Variants in KCNG2 observed in about 807,000 individuals in gnomAD.
The protein encoded by KCNG2 is voltage-gated potassium channel regulatory subunit KCNG2.
In KCNG2, 7 loss-of-function variants were observed where a neutral mutation model predicts 12.3. The ratio of observed to expected loss-of-function variants is 0.57; its 90% confidence interval spans 0.32 to 1.07. KCNG2 has a LOEUF of 1.07. Ranked by LOEUF, KCNG2 falls within the 50% of genes least tolerant of loss-of-function variation. The pLI is 0.04. For missense variants in KCNG2, 703 were observed against 726.0 expected, an observed-to-expected ratio of 0.97 and a Z score of 0.36; for synonymous variants, 414 against 351.4, an observed-to-expected ratio of 1.18 and a Z score of -1.99.
chr18:79,842,152 C>T (rs1396855480), intron 1 of KCNG2, among the ~76,000 whole-genome samples: 3 of 152,184 alleles, frequency 2.0e-5, no homozygotes, highest in South Asian at 2.1e-4. Flanking sequence ...AGGGTGGCCT[C>T]TGCAGCCCAG....
intron 1 of KCNG2, among the ~76,000 whole-genome samples, chr18:79,811,360 G>A (rs1235569017): frequency 1.3e-5 from 2 of 152,144 alleles, no homozygotes; most frequent in Non-Finnish European, 2.9e-5. Flanking sequence ...GTGTGGTATT[G>A]GCATAAGGAG....
intron 3 of KCNG2, among the ~76,000 whole-genome samples, chr18:79,896,016 A>G (rs1418946405): frequency 1.3e-5 from 2 of 152,162 alleles, no homozygotes; most frequent in African/African-American, 4.8e-5. Flanking sequence ...CCCAGGTTGG[A>G]GTGCAGTGGC....
Position 79,856,422 on chromosome 18 carries a change from AAG to A in KCNG2, c.-67_-66del, listed in dbSNP as rs1404359482. Among the ~76,000 whole-genome samples the A allele has an allele frequency of 1.3e-5, 2 of 152,232 alleles. No homozygotes were observed. The highest frequency in any genetic ancestry group is 2.9e-5 in the Non-Finnish European group (2 of 68,042). ...AGCTGTGTTTTCACCGGTTCCCTGA[AAG>A]AGAATACCCTGTACCTTCACAGAGC... On this transcript the variant is annotated 5_prime_UTR_variant, in exon 2 of 4. Coordinates refer to ENST00000316249, the MANE Select transcript of KCNG2 (RefSeq NM_012283.2).
chr18:79,840,787 C>CA (rs1283555713), intron 1 of KCNG2, among the ~76,000 whole-genome samples: 1 of 151,900 alleles, frequency 6.6e-6, no homozygotes, highest in Non-Finnish European at 1.5e-5. Context: ...AATAGATCCA[C>CA]AAAAAAATTC....
At chr18:79,895,630 CTG>C (rs1465484458) in intron 3 of KCNG2, among the ~76,000 whole-genome samples, 2 of 149,958 alleles carry the variant, frequency 1.3e-5, no homozygotes, top group African/African-American at 4.9e-5. Context: ...ATAGTTGAGT[CTG>C]TGTCTGCTAT....
intron 3 of KCNG2, among the ~76,000 whole-genome samples, chr18:79,889,962 A>C (rs961342168): frequency 7.2e-5 from 11 of 152,128 alleles, no homozygotes; most frequent in African/African-American, 2.7e-4. Flanking sequence ...TTTTTTCTTC[A>C]TCAGTTGACA....
intron 1 of KCNG2, among the ~76,000 whole-genome samples, chr18:79,798,522 C>T (rs2087381970): frequency 6.6e-6 from 1 of 152,208 alleles, no homozygotes; most frequent in Non-Finnish European, 1.5e-5. Flanking sequence ...GCTCGGCGCG[C>T]TGCGCCTTTC....
chr18:79,853,280 G>A (rs1358567740), intron 1 of KCNG2, among the ~76,000 whole-genome samples: 5 of 152,216 alleles, frequency 3.3e-5, no homozygotes, highest in African/African-American at 1.2e-4. Flanking sequence ...GCAAAGTGAG[G>A]TGGGCCTGGG....
At chr18:79,805,065 C>T (rs574579106) in intron 1 of KCNG2, among the ~76,000 whole-genome samples, 24 of 152,308 alleles carry the variant, frequency 1.6e-4, no homozygotes, top group African/African-American at 5.5e-4. Context: ...TCTGTGTCCT[C>T]CTGTTATTGG....
intron 1 of KCNG2, among the ~76,000 whole-genome samples, chr18:79,812,225 A>G (rs2087498267): frequency 6.6e-6 from 1 of 152,236 alleles, no homozygotes; most frequent in South Asian, 2.1e-4. Flanking sequence ...AACACATAGA[A>G]CTGAATGAAA....
chr18:79,809,321 GCGC>G (rs2087473326), intron 1 of KCNG2, among the ~76,000 whole-genome samples: 1 of 57,252 alleles, frequency 1.7e-5, no homozygotes, highest in Non-Finnish European at 3.3e-5. Context: ...CCCAGAGTCC[GCGC>G]TCTGAGGAGC....
intron 3 of KCNG2, among the ~76,000 whole-genome samples, chr18:79,877,576 G>C (rs567545453): frequency 6.0e-5 from 9 of 151,076 alleles, no homozygotes; most frequent in African/African-American, 2.2e-4. Context: ...TCACACCTCC[G>C]CCCCCCCCGA....
chr18:79,851,771 GAA>G (rs1176400781), intron 1 of KCNG2, among the ~76,000 whole-genome samples: 1 of 151,354 alleles, frequency 6.6e-6, no homozygotes, highest in Non-Finnish European at 1.5e-5. Flanking sequence ...GTGTGACTGT[GAA>G]TGCGTGTGTG....
intron 1 of KCNG2, among the ~76,000 whole-genome samples, chr18:79,833,964 C>T (rs898500043): frequency 6.6e-6 from 1 of 152,270 alleles, no homozygotes; most frequent in African/African-American, 2.4e-5. Context: ...GGCAGCACAG[C>T]TCCTGAGACA....
intron 3 of KCNG2, among the ~76,000 whole-genome samples, chr18:79,895,506 T>C (rs1402126139): frequency 6.6e-6 from 1 of 152,046 alleles, no homozygotes; most frequent in East Asian, 1.9e-4. Flanking sequence ...ACGATTGATA[T>C]AGTTGGGTTT....
chr18:79,848,915 C>T (rs1437711689), intron 1 of KCNG2, among the ~76,000 whole-genome samples: 1 of 152,152 alleles, frequency 6.6e-6, no homozygotes, highest in African/African-American at 2.4e-5. Flanking sequence ...CTGGTACCCA[C>T]GGCATAGGCT....
chr18:79,858,540 T>C (rs556143168), intron 2 of KCNG2, among the ~76,000 whole-genome samples: 1 of 152,348 alleles, frequency 6.6e-6, no homozygotes, highest in Admixed American at 6.5e-5. Flanking sequence ...TATGTACAAG[T>C]TTTTGTGTGA....
chr18:79,867,933 G>A (rs991335726), intron 3 of KCNG2, among the ~76,000 whole-genome samples: 1 of 152,054 alleles, frequency 6.6e-6, no homozygotes, highest in African/African-American at 2.4e-5. Flanking sequence ...CCAAGCCTGC[G>A]GCCCGAGTGC....
chr18:79,863,960 CGCTGGCCTTCCGCGACGA>C lies in KCNG2; in HGVS notation c.302_319del (p.Phe101_Ala106del). The C allele has an allele frequency of 7.8e-7, 1 of 1,284,292 alleles. No homozygotes were observed. The highest frequency in any genetic ancestry group is 9.9e-7 in the Non-Finnish European group (1 of 1,008,904). 79.6% of individuals were successfully genotyped at this position (1,284,292 alleles called of 1,614,324 possible). On this transcript the variant is annotated inframe_deletion, in exon 3 of 4. Transcript: ENST00000316249. ...CTGCGACTGCTGCGGGGCCCGTGCGCGCTGGCCTTCCGCGACGAGCTGGCCTACTGGGGCATCGACGAG... is the reference window on the plus strand; with the variant it reads ...CTGCGACTGCTGCGGGGCCCGTGCGCGCTGGCCTACTGGGGCATCGACGAG...
Sources: gnomAD v4.1 joint callset for allele counts (sites outside exome capture counted in the v4.1 genomes callset) on GRCh38, gnomAD v4.1.1 for gene constraint, MANE v1.5 for transcripts, NCBI Gene and HGNC (gene_info 2026-07-23, HGNC 2026-07-21) for gene names.